SNRNP200: variants seen among roughly 807,000 people sequenced by gnomAD.
SNRNP200 encodes the protein U5 small nuclear ribonucleoprotein 200 kDa helicase.
SNRNP200 carries 66 observed loss-of-function variants against 255.2 expected under a neutral mutation model. The observed-to-expected ratio is 0.26, with a 90% confidence interval of 0.21 to 0.32. The LOEUF (loss-of-function observed/expected upper bound fraction) is 0.32, where lower values mean the gene tolerates loss of function less well. SNRNP200 is among the 10% of genes least tolerant of loss of function. SNRNP200 has a pLI of 1.00. For synonymous variants in SNRNP200, 939 were observed against 1,027.8 expected (o/e 0.91, Z 1.65); for missense variants, 1,585 against 2,749.8 (o/e 0.58, Z 9.47).
chr2:96,299,315 C>G lies in SNRNP200; in HGVS notation c.729+14G>C. 6.2e-7 allele frequency: 1 copy of G among 1,611,668 alleles called. No homozygotes were observed. Among genetic ancestry groups the G allele is most frequent in the Non-Finnish European group, 8.5e-7 (1 of 1,177,970 alleles). On this transcript the variant is annotated intron_variant, in intron 6 of 44. Transcript: ENST00000323853. Reference sequence around the variant, plus strand: ...GTAACCTTGTAGCAATGAGGAAGAGCAAACTGAACTTACATTAGCCGAGAG... The same window carrying G: ...GTAACCTTGTAGCAATGAGGAAGAGGAAACTGAACTTACATTAGCCGAGAG...
At chr2:96,289,678 T>C (rs1385292948) in intron 21 of SNRNP200, 121 bp downstream of exon 21, 2 of 911,832 alleles carry the variant, frequency 2.2e-6, no homozygotes, top group Non-Finnish European at 3.6e-6. Context: ...ATTTTTCTGC[T>C]GTTCTAAGCA....
At position 96,278,525 on chromosome 2, in the gene SNRNP200, C is replaced by A. The variant is rs779353426; in HGVS notation, c.5488+22G>T. On this transcript the variant is annotated intron_variant, in intron 38 of 44. Transcript: ENST00000323853. This position sits in a 1 kb window ranked among gnomAD's most constrained non-coding sequence, Gnocchi z 6.9. ...TGTAAAAAGGCTCCCACAGACAGGA[C>A]ACGGGCCATGCCGGGCCTCACCAAT... is the stretch of plus-strand genomic sequence containing the variant. 4 of 1,613,508 alleles carry A rather than the reference C, an allele frequency of 2.5e-6. No individual in the cohort carries two copies. The highest frequency in any genetic ancestry group is 2.2e-5 in the South Asian group (2 of 91,076).
Position 96,283,182 on chromosome 2 carries a change from C to T in SNRNP200, c.4915+19G>A. Reference sequence around the variant, plus strand: ...TTGGTGATACCCTTGCTATGCTCCCCTTCCGTGGCCTGACTTACCTGAGCT... The same window carrying T: ...TTGGTGATACCCTTGCTATGCTCCCTTTCCGTGGCCTGACTTACCTGAGCT... On this transcript the variant is annotated intron_variant, in intron 34 of 44. Coordinates refer to ENST00000323853, the MANE Select transcript of SNRNP200 (RefSeq NM_014014.5). This position sits in a 1 kb window ranked among gnomAD's most constrained non-coding sequence, Gnocchi z 4.7. 1.9e-6 allele frequency: 3 copies of T among 1,613,776 alleles called. No homozygotes were observed. Among genetic ancestry groups the T allele is most frequent in the Non-Finnish European group, 2.5e-6 (3 of 1,180,048 alleles).
chr2:96,279,607 A>C, intron 35 of SNRNP200, 48 bp from the exon 36 acceptor site: 1 of 1,284,408 alleles, frequency 7.8e-7, no homozygotes, highest in Non-Finnish European at 1.1e-6. Flanking sequence ...CAACACGGAG[A>C]CCATGCTCAG....
rs1177533375 is a variant in SNRNP200, at chr2:96,277,945, A to G, written c.5616T>C (p.Ala1872=). 3.7e-6 allele frequency: 6 copies of G among 1,614,074 alleles called. No homozygotes were observed. The highest frequency in any genetic ancestry group is 5.1e-6 in the Non-Finnish European group (6 of 1,180,042). ...TATTCAGCTTGTGGGGGACCTTCTG[A>G]GCCAACTACAAAGTGGAAGAAAAAT... The part of the protein sequence containing the change: ...HHEDNLLRQL[A]QKVPHKLNNP... Residue 1872 remains alanine (A), a synonymous_variant, in exon 40 of 45, where the codon GCT becomes GCC. Transcript: ENST00000323853. The surrounding 1 kb of genome is among the most constrained non-coding windows in gnomAD (Gnocchi z 4.4).
Position 96,298,594 on chromosome 2 carries a change from T to C in SNRNP200, c.982+9A>G, listed in dbSNP as rs2063933951. The stretch of plus-strand genomic sequence containing the variant: ...CTCACTCTGCAGGAAGACCCCACCA[T>C]ATACTCACTCATCATCCTGTGCTGC... On this transcript the variant is annotated intron_variant, in intron 8 of 44. Coordinates refer to ENST00000323853, the MANE Select transcript of SNRNP200 (RefSeq NM_014014.5). 2.5e-6 allele frequency: 4 copies of C among 1,613,604 alleles called. No homozygotes were observed. Among genetic ancestry groups the C allele is most frequent in the Non-Finnish European group, 2.5e-6 (3 of 1,179,518 alleles).
At position 96,293,320 on chromosome 2, in the gene SNRNP200, T is replaced by C; in HGVS notation, c.2032A>G (p.Asn678Asp). 6.2e-7 allele frequency: 1 copy of C among 1,613,904 alleles called. No homozygotes were observed. Among genetic ancestry groups the C allele is most frequent in the Non-Finnish European group, 8.5e-7 (1 of 1,179,798 alleles). Residue 678 changes from asparagine (N) to aspartate (D), a missense_variant, in exon 15 of 45, where the codon AAC becomes GAC. Asn to Asp is a conservative substitution (Grantham distance 23, BLOSUM62 1). Around this residue, in one of 9 missense-constraint regions of SNRNP200, gnomAD observed 140 missense variants for 274.9 expected, o/e 0.51. Transcript: ENST00000323853. Reference sequence around the variant, plus strand: ...TTGCCCAGTCTTTCCTGATACCTGTTGTCAAAGTAAAAGAGACCCTTGGCA... The same window carrying C: ...TTGCCCAGTCTTTCCTGATACCTGTCGTCAAAGTAAAAGAGACCCTTGGCA... The part of the protein sequence containing the change: ...DPAKGLFYFD[N>D]SFRPVPLEQT...
At chr2:96,284,735 T>C in intron 30 of SNRNP200, 150 bp from the exon 31 acceptor site, 3 of 650,432 alleles carry the variant, frequency 4.6e-6, no homozygotes, top group Non-Finnish European at 8.1e-6. Flanking sequence ...TGCGATGCGA[T>C]GGGGCAGCTT....
In SNRNP200 at chr2:96,275,165, G is replaced by T. The variant is rs1202407095; in HGVS notation, c.6268-10C>A. The T allele has an allele frequency of 6.2e-7, 1 of 1,614,134 alleles. No individual in the cohort carries two copies. Among genetic ancestry groups the T allele is most frequent in the Non-Finnish European group, 8.5e-7 (1 of 1,180,056 alleles). On this transcript the variant is annotated splice_polypyrimidine_tract_variant and intron_variant, in intron 44 of 44. Coordinates refer to ENST00000323853, the MANE Select transcript of SNRNP200 (RefSeq NM_014014.5). ...CAAAGTCCAACTTCACCTAGAAAGA[G>T]CAGGCAGAAATCAAGATGAGCATGG... is the stretch of plus-strand genomic sequence containing the variant.
rs899899456 is a variant in SNRNP200, at chr2:96,305,423, G to C, written c.15C>G (p.Thr5=). 1 of 1,614,088 alleles carries C rather than the reference G, an allele frequency of 6.2e-7. No individual in the cohort carries two copies. Among genetic ancestry groups the C allele is most frequent in the African/African-American group, 1.3e-5 (1 of 74,936 alleles). ...TGTACTCGTATTGCAGACTACGGGC[G>C]GTTACATCCGCCATGGCCGCGGCTG... MADV[T]ARSLQYEYKA... is the part of the protein sequence containing the mutation. The change falls in exon 1 of 45, where the codon ACC becomes ACG. Residue 5 remains threonine, a synonymous_variant. Coordinates refer to ENST00000323853, the MANE Select transcript of SNRNP200 (RefSeq NM_014014.5).
chr2:96,299,029 C>A, intron 6 of SNRNP200, 62 bp from the exon 7 acceptor site: 1 of 1,602,062 alleles, frequency 6.2e-7, no homozygotes, highest in South Asian at 1.1e-5. Flanking sequence ...ACTTTGCCAC[C>A]ACCCTGCAAC....
Position 96,289,329 on chromosome 2 carries a change from T to G in SNRNP200, c.2991A>C (p.Thr997=). ...TCAGCAGCTGGTTGTAAGTCTGCACTGTATCATTGGTGATGTAGTAGTGGC... is the reference window on the plus strand; with the variant it reads ...TCAGCAGCTGGTTGTAAGTCTGCACGGTATCATTGGTGATGTAGTAGTGGC... ...IASHYYITND[T]VQTYNQLLKP... Residue 997 remains threonine, a synonymous_variant, in exon 22 of 45, where the codon ACA becomes ACC. Coordinates refer to ENST00000323853, the MANE Select transcript of SNRNP200 (RefSeq NM_014014.5). 1.2e-6 allele frequency: 2 copies of G among 1,614,222 alleles called. No homozygotes were observed. Among genetic ancestry groups the G allele is most frequent in the Non-Finnish European group, 1.7e-6 (2 of 1,180,022 alleles).
In SNRNP200 at chr2:96,283,639, G is replaced by A; in HGVS notation, c.4659C>T (p.His1553=). 1 of 1,614,158 alleles carries A rather than the reference G, an allele frequency of 6.2e-7. No individual in the cohort carries two copies. The highest frequency in any genetic ancestry group is 2.2e-5 in the East Asian group (1 of 44,882). Residue 1553 remains histidine (H), a synonymous_variant, in exon 33 of 45, where the codon CAC becomes CAT. Transcript: ENST00000323853. This position sits in a 1 kb window ranked among gnomAD's most constrained non-coding sequence, Gnocchi z 4.7. ...AGACAATGACAGGCTTCTTGGGCGAGTGCTTGGTGATAGCATGGTACACAG... is the reference window on the plus strand; with the variant it reads ...AGACAATGACAGGCTTCTTGGGCGAATGCTTGGTGATAGCATGGTACACAG... The part of the protein sequence containing the change: ...AKPVYHAITK[H]SPKKPVIVFV...
At position 96,290,445 on chromosome 2, in the gene SNRNP200, C is replaced by T; in HGVS notation, c.2623G>A (p.Glu875Lys). ...GEGILITSHG[E>K]LQYYLSLLNQ... ...AGGAGGGACAGGTAGTACTGTAGCTCCCCATGAGATGTGATGAGTATGCCT... is the reference window on the plus strand; with the variant it reads ...AGGAGGGACAGGTAGTACTGTAGCTTCCCATGAGATGTGATGAGTATGCCT... Residue 875 changes from glutamate (E) to lysine (K), a missense_variant, in exon 20 of 45, where the codon GAG becomes AAG. Glu to Lys is a moderately conservative substitution (Grantham distance 56, BLOSUM62 1). This residue lies in a region of SNRNP200 where 719 missense variants were observed against 1,091.1 expected (regional missense o/e 0.66). Transcript: ENST00000323853. The surrounding 1 kb of genome is among the most constrained non-coding windows in gnomAD (Gnocchi z 4.5). The T allele has an allele frequency of 1.2e-6, 2 of 1,614,180 alleles. No individual in the cohort carries two copies. Among genetic ancestry groups the T allele is most frequent in the Non-Finnish European group, 1.7e-6 (2 of 1,180,026 alleles).
In SNRNP200 at chr2:96,291,292, A is replaced by G. The variant is rs2063882797; in HGVS notation, c.2421+100T>C. On this transcript the variant is annotated intron_variant, in intron 18 of 44. Transcript: ENST00000323853. This position sits in a 1 kb window ranked among gnomAD's most constrained non-coding sequence, Gnocchi z 4.2. ...CTCTGACCTGGGCTAGCTGGGCCAG[A>G]AGCAATAAAGTACCAGGAGCAAACA... is the stretch of plus-strand genomic sequence containing the variant. 3 of 805,064 alleles carry G rather than the reference A, an allele frequency of 3.7e-6. No individual in the cohort carries two copies. Among genetic ancestry groups the G allele is most frequent in the Admixed American group, 1.7e-5 (1 of 59,070 alleles). The allele number at this position is 805,064 out of a possible 1,614,324, so 49.9% of individuals were successfully genotyped here.
chr2:96,293,128 T>C (rs1400850166), intron 15 of SNRNP200, 33 bp from the exon 16 acceptor site: 2 of 1,614,096 alleles, frequency 1.2e-6, no homozygotes, highest in Non-Finnish European at 8.5e-7. Flanking sequence ...AATGAGGCTT[T>C]GGCAGAAAAT....
In SNRNP200 at chr2:96,293,573, T is replaced by C. The variant is rs1288069643; in HGVS notation, c.1843-64A>G. On this transcript the variant is annotated intron_variant, in intron 14 of 44. Transcript: ENST00000323853. ...AGATACATAGTCCCTTTTCCTGGAA[T>C]TGTCCCATATTGTAGGCATATAACC... 3.4e-6 allele frequency: 5 copies of C among 1,487,192 alleles called. No homozygotes were observed. In the East Asian group the frequency reaches 9.0e-5, roughly 27 times the overall value. 92.1% of individuals were successfully genotyped at this position (1,487,192 alleles called of 1,614,324 possible). A position where few individuals can be genotyped will look rare whatever the true frequency, so the allele number is the denominator to read the frequency against.
At chr2:96,303,597 T>C (rs909718737) in intron 2 of SNRNP200, among the ~76,000 whole-genome samples, 4 of 152,122 alleles carry the variant, frequency 2.6e-5, no homozygotes, top group Middle Eastern at 3.2e-3. Flanking sequence ...ATTTAAAAAA[T>C]ACAACCCTTT....
Position 96,286,490 on chromosome 2 carries a change from A to C in SNRNP200, c.3830-6T>G. The C allele has an allele frequency of 6.2e-7, 1 of 1,614,070 alleles. No individual in the cohort carries two copies. The highest frequency in any genetic ancestry group is 1.1e-5 in the South Asian group (1 of 91,070). On this transcript the variant is annotated splice_polypyrimidine_tract_variant and splice_region_variant and intron_variant, in intron 28 of 44. Transcript: ENST00000323853. The surrounding 1 kb of genome is among the most constrained non-coding windows in gnomAD (Gnocchi z 4.8). The stretch of plus-strand genomic sequence containing the variant: ...AGGCAGCTGGGTCTCACAAGCTGCC[A>C]GAAAAGAAACAGGAAGGATATAAGC...
Sources: gnomAD v4.1 joint callset for allele counts (sites outside exome capture counted in the v4.1 genomes callset) on GRCh38, gnomAD v4.1.1 for gene constraint, gnomAD v4.1.1 regional missense constraint, Gnocchi (gnomAD v3.1) non-coding constraint, MANE v1.5 for transcripts, NCBI Gene and HGNC (gene_info 2026-07-23, HGNC 2026-07-21) for gene names.